Variants in DTWD2 observed in about 807,000 individuals in gnomAD.
DTWD2 encodes the protein DTW motif tRNA-uridine aminocarboxypropyltransferase 2, also known as tRNA-uridine aminocarboxypropyltransferase 2.
A neutral mutation model predicts 31.8 loss-of-function variants in DTWD2; 39 were observed. The observed-to-expected ratio is 1.22, with a 90% CI of 0.95 to 1.60. DTWD2 has a LOEUF of 1.60. Ranked by LOEUF, DTWD2 falls within the 40% of genes most tolerant of loss-of-function variation. The probability of loss-of-function intolerance (pLI) is 0.00; values close to 1 mark genes in which losing one functional copy is unlikely to be tolerated. For missense variants in DTWD2, 515 were observed against 381.5 expected, an observed-to-expected ratio of 1.35 and a Z score of -2.92; for synonymous variants, 180 against 142.8, an observed-to-expected ratio of 1.26 and a Z score of -1.86.
chr5:118,940,491 T>C (rs76700815), intron 2 of DTWD2, among the ~76,000 whole-genome samples: 2,614 of 152,324 alleles, frequency 0.017, 79 homozygotes, highest in African/African-American at 0.06. Flanking sequence ...TTTAACTCTT[T>C]TGGCTATTTC....
At chr5:118,916,109 C>A (rs1407090536) in intron 4 of DTWD2, among the ~76,000 whole-genome samples, 2 of 152,168 alleles carry the variant, frequency 1.3e-5, no homozygotes, top group Non-Finnish European at 2.9e-5. Context: ...AGATCTGGGC[C>A]AACTGGAAGA....
rs1230639516 is a variant in DTWD2, at chr5:118,837,212, C to T, written c.*3705G>A. 6.6e-6 allele frequency: 1 copy of T among 152,082 alleles called. No homozygotes were observed. The highest frequency in any genetic ancestry group is 1.9e-4 in the East Asian group (1 of 5,200). 9.4% of individuals were successfully genotyped at this position (152,082 alleles called of 1,614,324 possible). ...GTGAAGAGAAAAGAGAGAGAATATG[C>T]TTTAAGTTAATGTAGCTAATAAAAA... is the stretch of plus-strand genomic sequence containing the variant. On this transcript the variant is annotated 3_prime_UTR_variant, in exon 6 of 6. Transcript: ENST00000510708.
intron 5 of DTWD2, among the ~76,000 whole-genome samples, chr5:118,843,654 T>C (rs1027311166): frequency 6.6e-6 from 1 of 152,244 alleles, no homozygotes; most frequent in African/African-American, 2.4e-5. Flanking sequence ...ATTATATTCT[T>C]GTAAACAGAA....
At chr5:118,948,628 A>G (rs1754392557) in intron 1 of DTWD2, among the ~76,000 whole-genome samples, 1 of 152,196 alleles carries the variant, frequency 6.6e-6, no homozygotes, top group Non-Finnish European at 1.5e-5. Context: ...GGGCCAGCCT[A>G]AAACAGTAAG....
chr5:118,893,102 G>A (rs963246000), intron 4 of DTWD2, among the ~76,000 whole-genome samples: 11 of 152,012 alleles, frequency 7.2e-5, no homozygotes, highest in South Asian at 6.2e-4. Context: ...AAGGCCAAGC[G>A]TGGTGGCTCA....
intron 4 of DTWD2, among the ~76,000 whole-genome samples, chr5:118,898,913 G>C (rs1220459298): frequency 1.3e-5 from 2 of 152,180 alleles, no homozygotes; most frequent in Admixed American, 6.5e-5. Context: ...TATGTATTTA[G>C]ATATTATTTG....
chr5:118,985,927 A>G (rs1413119831), intron 1 of DTWD2, among the ~76,000 whole-genome samples: 1 of 152,168 alleles, frequency 6.6e-6, no homozygotes, highest in Non-Finnish European at 1.5e-5. Flanking sequence ...AGGGCTCCCC[A>G]TTTAAATAGA....
chr5:118,879,809 G>C (rs1247587449), intron 4 of DTWD2, among the ~76,000 whole-genome samples: 1 of 152,056 alleles, frequency 6.6e-6, no homozygotes, highest in Non-Finnish European at 1.5e-5. Flanking sequence ...CTGGAGGGTA[G>C]AGAGTGGGAG....
chr5:118,870,415 C>G (rs1036973999), intron 4 of DTWD2, among the ~76,000 whole-genome samples: 4 of 152,192 alleles, frequency 2.6e-5, no homozygotes, highest in African/African-American at 7.2e-5. Flanking sequence ...TTTGTACCAG[C>G]ATTCCTCAGA....
intron 5 of DTWD2, among the ~76,000 whole-genome samples, chr5:118,844,619 T>C (rs1302338208): frequency 5.9e-5 from 9 of 152,168 alleles, no homozygotes; most frequent in African/African-American, 1.9e-4. Context: ...TACAAAAAAT[T>C]ATGTGGTCTG....
At chr5:118,968,601 C>A (rs1754907995) in intron 1 of DTWD2, among the ~76,000 whole-genome samples, 4 of 152,176 alleles carry the variant, frequency 2.6e-5, no homozygotes, top group Admixed American at 2.6e-4. Flanking sequence ...ACGTTTTTCC[C>A]ATAGATCTTT....
At chr5:118,898,655 T>C (rs1244832821) in intron 4 of DTWD2, among the ~76,000 whole-genome samples, 1 of 117,116 alleles carries the variant, frequency 8.5e-6, no homozygotes, top group Non-Finnish European at 1.7e-5. Flanking sequence ...TGAGACTCCA[T>C]CTCAAAAAAA....
At chr5:118,919,465 C>G (rs1338307879) in intron 4 of DTWD2, among the ~76,000 whole-genome samples, 1 of 152,168 alleles carries the variant, frequency 6.6e-6, no homozygotes, top group Admixed American at 6.5e-5. Context: ...GAACAAATGG[C>G]TCTGGATCAA....
chr5:118,872,389 A>G (rs1752525219), intron 4 of DTWD2, among the ~76,000 whole-genome samples: 1 of 152,226 alleles, frequency 6.6e-6, no homozygotes. Flanking sequence ...GCCTTCCTCA[A>G]TAAGCTTAAT....
Position 118,838,459 on chromosome 5 carries a change from A to T in DTWD2, c.*2458T>A, listed in dbSNP as rs1161525772. 1 of 152,232 alleles carries T rather than the reference A, an allele frequency of 6.6e-6. No individual in the cohort carries two copies. Among genetic ancestry groups the T allele is most frequent in the African/African-American group, 2.4e-5 (1 of 41,462 alleles). The allele number at this position is 152,232 out of a possible 1,614,324, so 9.4% of individuals were successfully genotyped here. A position where few individuals can be genotyped will look rare whatever the true frequency, so the allele number is the denominator to read the frequency against. ...CTAATACAATAAAAAAGTAATTTTT[A>T]AAAGCCTGATTAATTTTTCAATTAA... On this transcript the variant is annotated 3_prime_UTR_variant, in exon 6 of 6. Coordinates refer to ENST00000510708, the MANE Select transcript of DTWD2 (RefSeq NM_173666.4).
chr5:118,934,787 T>C (rs1376825943), intron 3 of DTWD2, among the ~76,000 whole-genome samples: 2 of 152,274 alleles, frequency 1.3e-5, no homozygotes, highest in East Asian at 3.9e-4. Flanking sequence ...CAGAGATTGT[T>C]AGATTAAATT....
At chr5:118,983,166 C>T (rs1029869078) in intron 1 of DTWD2, among the ~76,000 whole-genome samples, 21 of 152,080 alleles carry the variant, frequency 1.4e-4, no homozygotes, top group African/African-American at 4.6e-4. Flanking sequence ...AACATAAATG[C>T]CTATAGGGGG....
chr5:118,982,494 A>G (rs1041180428), intron 1 of DTWD2, among the ~76,000 whole-genome samples: 2 of 152,166 alleles, frequency 1.3e-5, no homozygotes, highest in African/African-American at 4.8e-5. Flanking sequence ...TTCCACATAT[A>G]TTATGAATAA....
intron 4 of DTWD2, among the ~76,000 whole-genome samples, chr5:118,924,621 A>C (rs902770731): frequency 4.2e-4 from 64 of 152,314 alleles, no homozygotes; most frequent in African/African-American, 1.2e-3. Flanking sequence ...TGAACAGGCA[A>C]TTTTTCAAGA....
Sources: gnomAD v4.1 joint callset for allele counts (sites outside exome capture counted in the v4.1 genomes callset) on GRCh38, gnomAD v4.1.1 for gene constraint, MANE v1.5 for transcripts, NCBI Gene and HGNC (gene_info 2026-07-23, HGNC 2026-07-21) for gene names.